The following CMIP variants were observed in gnomAD, a reference collection of about 807,000 sequenced individuals.
The protein encoded by CMIP is C-Maf-inducing protein.
Under a neutral mutation model 97.3 loss-of-function variants are expected in CMIP, and 13 were observed. The observed-to-expected ratio is 0.13, with a 90% CI of 0.09 to 0.21. The LOEUF is 0.21. Ranked by LOEUF, CMIP falls within the 10% of genes least tolerant of loss-of-function variation. The probability of loss-of-function intolerance (pLI) is 1.00; values close to 1 mark genes in which losing one functional copy is unlikely to be tolerated. For synonymous variants in CMIP, 538 were observed against 436.3 expected (o/e 1.23, Z -2.91); for missense variants, 847 against 1,024.9 (o/e 0.83, Z 2.37).
intron 1 of CMIP, among the ~76,000 whole-genome samples, chr16:81,477,784 C>A (rs984693284): frequency 6.6e-6 from 1 of 152,212 alleles, no homozygotes; most frequent in African/African-American, 2.4e-5. Context: ...GTTCTTAGCA[C>A]CATGGGCCAA....
intron 9 of CMIP, among the ~76,000 whole-genome samples, chr16:81,677,621 G>A (rs1341591036): frequency 1.3e-5 from 2 of 152,222 alleles, no homozygotes; most frequent in East Asian, 1.9e-4. Flanking sequence ...CCTAACAAAT[G>A]TGAGATTAAT....
intron 1 of CMIP, among the ~76,000 whole-genome samples, chr16:81,546,914 G>C (rs1043225278): frequency 1.3e-5 from 2 of 152,226 alleles, no homozygotes; most frequent in African/African-American, 4.8e-5. Flanking sequence ...AACAGCTCTT[G>C]TACTGGAGAG....
intron 1 of CMIP, among the ~76,000 whole-genome samples, chr16:81,589,488 T>G (rs540798826): frequency 1.4e-4 from 21 of 152,098 alleles, no homozygotes; most frequent in South Asian, 1.2e-3. Flanking sequence ...CTTGTGTTTT[T>G]TTTTTTTTTT....
intron 1 of CMIP, among the ~76,000 whole-genome samples, chr16:81,540,594 C>T (rs1424690371): frequency 6.6e-6 from 1 of 151,960 alleles, no homozygotes; most frequent in African/African-American, 2.4e-5. Context: ...TGAGCCACTG[C>T]ACCTGGCCTG....
chr16:81,651,804 G>A (rs892208774), intron 3 of CMIP, among the ~76,000 whole-genome samples: 6 of 152,170 alleles, frequency 3.9e-5, no homozygotes, highest in East Asian at 3.8e-4. Flanking sequence ...TTGAGAGCCC[G>A]AGCACATGTT....
chr16:81,539,974 G>A, intron 1 of CMIP, among the ~76,000 whole-genome samples: 1 of 152,230 alleles, frequency 6.6e-6, no homozygotes, highest in South Asian at 2.1e-4. Flanking sequence ...GGATGTAGCA[G>A]GGACCACCAT....
chr16:81,657,876 T>A, intron 5 of CMIP, 60 bp downstream of exon 5: 1 of 1,403,096 alleles, frequency 7.1e-7, no homozygotes, highest in Admixed American at 2.2e-5. Context: ...CCTACAACCC[T>A]TTTCCTGGTT....
At chr16:81,538,192 G>C (rs1313264335) in intron 1 of CMIP, among the ~76,000 whole-genome samples, 1 of 152,212 alleles carries the variant, frequency 6.6e-6, no homozygotes, top group Non-Finnish European at 1.5e-5. Flanking sequence ...GTGGTAGGGA[G>C]TCAAGAGGGG....
At position 81,651,464 on chromosome 16, in the gene CMIP, G is replaced by A. The variant is rs149670500; in HGVS notation, c.478-739G>A. 1.6e-4 allele frequency: 134 copies of A among 819,982 alleles called. No homozygotes were observed. The East Asian group carries it at 3.8e-3, about 23-fold the overall frequency. 50.8% of individuals were successfully genotyped at this position (819,982 alleles called of 1,614,324 possible). The stretch of plus-strand genomic sequence containing the variant: ...CTTGTCTTCCTCACCAGGTGGATGC[G>A]GAGGGCAGCGCTGGATTTCCCGGGG... On this transcript the variant is annotated intron_variant, in intron 3 of 20. Transcript: ENST00000537098.
At chr16:81,489,930 G>T (rs1028083093) in intron 1 of CMIP, among the ~76,000 whole-genome samples, 1 of 152,254 alleles carries the variant, frequency 6.6e-6, no homozygotes, top group African/African-American at 2.4e-5. Context: ...AGTTTCTGCT[G>T]CAGAAAGACA....
intron 1 of CMIP, among the ~76,000 whole-genome samples, chr16:81,477,794 A>G (rs1399082214): frequency 1.3e-5 from 2 of 152,192 alleles, no homozygotes. Context: ...CCATGGGCCA[A>G]GAGAGGCTCA....
At chr16:81,667,235 A>C (rs2151030374) in intron 7 of CMIP, 1 of 152,366 alleles carries the variant, frequency 6.6e-6, no homozygotes, top group Admixed American at 6.5e-5. Context: ...AGAGTCTCAA[A>C]GAATGTTCTT....
At chr16:81,523,467 C>A (rs2090068759) in intron 1 of CMIP, among the ~76,000 whole-genome samples, 1 of 152,194 alleles carries the variant, frequency 6.6e-6, no homozygotes, top group Non-Finnish European at 1.5e-5. Flanking sequence ...GGGTCTGGTA[C>A]CCTCCCAGCA....
At chr16:81,641,010 C>T (rs1272425004) in intron 3 of CMIP, among the ~76,000 whole-genome samples, 4 of 152,108 alleles carry the variant, frequency 2.6e-5, no homozygotes, top group South Asian at 2.1e-4. Context: ...CTCTGCAGCA[C>T]GTCCACCATG....
At chr16:81,680,065 G>A (rs1231071378) in intron 10 of CMIP, among the ~76,000 whole-genome samples, 2 of 152,192 alleles carry the variant, frequency 1.3e-5, no homozygotes, top group South Asian at 2.1e-4. Flanking sequence ...TGGACCTTTC[G>A]GAGGGGTTCG....
intron 1 of CMIP, among the ~76,000 whole-genome samples, chr16:81,452,906 C>G (rs1179825755): frequency 7.7e-4 from 42 of 54,534 alleles, no homozygotes; most frequent in African/African-American, 2.9e-3. Context: ...TTTTTTTTTG[C>G]AAACCTGGCT....
At chr16:81,630,018 T>G (rs1289703856) in intron 3 of CMIP, among the ~76,000 whole-genome samples, 2 of 152,220 alleles carry the variant, frequency 1.3e-5, no homozygotes, top group Non-Finnish European at 2.9e-5. Context: ...GCTCCCAAAA[T>G]AATACTTTCT....
At chr16:81,462,161 G>A (rs894356882) in intron 1 of CMIP, among the ~76,000 whole-genome samples, 2 of 152,094 alleles carry the variant, frequency 1.3e-5, no homozygotes, top group Non-Finnish European at 2.9e-5. Flanking sequence ...CCATTCTTGT[G>A]TCTGGGTGGA....
chr16:81,601,023 C>T (rs1206155043), intron 1 of CMIP, among the ~76,000 whole-genome samples: 1 of 152,140 alleles, frequency 6.6e-6, no homozygotes, highest in Non-Finnish European at 1.5e-5. Context: ...TGGGTGTCCC[C>T]TGTGTGATAA....
Sources: gnomAD v4.1 joint callset for allele counts (sites outside exome capture counted in the v4.1 genomes callset) on GRCh38, gnomAD v4.1.1 for gene constraint, MANE v1.5 for transcripts, NCBI Gene and HGNC (gene_info 2026-07-23, HGNC 2026-07-21) for gene names.